ASGR1: variants seen among roughly 807,000 people sequenced by gnomAD.
ASGR1 encodes the protein asialoglycoprotein receptor 1, also known as C-type lectin domain family 4 member H1.
ASGR1 carries 35 observed loss-of-function variants against 33.1 expected under a neutral mutation model. The observed-to-expected ratio is 1.06, with a 90% CI of 0.81 to 1.40. ASGR1 has a LOEUF of 1.40. Among genes scored for constraint, ASGR1 ranks in the 40% most tolerant of loss-of-function variants. The probability of loss-of-function intolerance (pLI) is 0.00; values close to 1 mark genes in which losing one functional copy is unlikely to be tolerated. For synonymous variants in ASGR1, 142 were observed against 152.5 expected, an observed-to-expected ratio of 0.93 and a Z score of 0.51; for missense variants, 396 against 373.7, an observed-to-expected ratio of 1.06 and a Z score of -0.49.
intron 5 of ASGR1, among the ~76,000 whole-genome samples, chr17:7,176,218 CAA>C (rs1391692788): frequency 7.4e-5 from 10 of 135,236 alleles, no homozygotes; most frequent in African/African-American, 2.0e-4. Context: ...CTCACACTCA[CAA>C]ACACACACAC....
Position 7,174,165 on chromosome 17 carries a change from C to G in ASGR1, c.567G>C (p.Leu189=). ...GCTCCTCCCAGGACGTGACCACCAC[C>G]AGGTGCGCGTCCTCCAGCCGGCAGT... ...DNYCRLEDAH[L]VVVTSWEEQK... Residue 189 remains leucine (L), a synonymous_variant, in exon 7 of 9, where the codon CTG becomes CTC. Coordinates refer to ENST00000269299, the MANE Select transcript of ASGR1 (RefSeq NM_001671.5). The G allele has an allele frequency of 1.2e-6, 2 of 1,614,116 alleles. No individual in the cohort carries two copies. Among genetic ancestry groups the G allele is most frequent in the Non-Finnish European group, 1.7e-6 (2 of 1,179,990 alleles).
chr17:7,174,337 G>A (rs750202356), intron 6 of ASGR1, 37 bp downstream of exon 6: 4 of 1,613,814 alleles, frequency 2.5e-6, no homozygotes, highest in Admixed American at 1.7e-5. Context: ...CCCAGAGAAG[G>A]GGGGAGGCAG....
chr17:7,178,010 A>G (rs995875605), intron 2 of ASGR1: 32 of 165,452 alleles, frequency 1.9e-4, no homozygotes, highest in Non-Finnish European at 2.0e-4. Context: ...TTTGAAGCAA[A>G]AGAGTCTCGT....
chr17:7,178,554 C>A lies in ASGR1; in HGVS notation c.10G>T (p.Glu4Ter), dbSNP rs756648015. The part of the protein sequence containing the change: MTK[E>*]YQDLQHLDNE... Reference sequence around the variant, plus strand: ...TCCAGATGCTGAAGGTCTTGATACTCCTTGGTCATGATAGGGCTGGCGCTG... The same window carrying A: ...TCCAGATGCTGAAGGTCTTGATACTACTTGGTCATGATAGGGCTGGCGCTG... The change falls in exon 2 of 9, where the codon GAG becomes TAG. Residue 4 changes from glutamate to a stop codon, truncating the protein, a stop_gained. Transcript: ENST00000269299. LOFTEE classifies it high-confidence loss of function. The A allele has an allele frequency of 6.2e-7, 1 of 1,613,968 alleles. No individual in the cohort carries two copies. The highest frequency in any genetic ancestry group is 8.5e-7 in the Non-Finnish European group (1 of 1,179,984).
intron 5 of ASGR1, 177 bp downstream of exon 5, chr17:7,176,653 G>T: frequency 1.3e-6 from 1 of 768,246 alleles, no homozygotes; most frequent in Admixed American, 2.6e-5. Context: ...TCCACACAAG[G>T]CTCTCATACA....
chr17:7,174,158 C>A lies in ASGR1; in HGVS notation c.574G>T (p.Val192Phe). 6.2e-7 allele frequency: 1 copy of A among 1,614,096 alleles called. No individual in the cohort carries two copies. The highest frequency in any genetic ancestry group is 8.5e-7 in the Non-Finnish European group (1 of 1,179,982). Residue 192 changes from valine (V) to phenylalanine (F), a missense_variant, in exon 7 of 9, where the codon GTC becomes TTC. Coordinates refer to ENST00000269299, the MANE Select transcript of ASGR1 (RefSeq NM_001671.5). ...CTCACCTGCTCCTCCCAGGACGTGA[C>A]CACCACCAGGTGCGCGTCCTCCAGC... is the stretch of plus-strand genomic sequence containing the variant. ...CRLEDAHLVV[V>F]TSWEEQKFVQ...
chr17:7,176,527 CCACACACACACCATCTCATTCT>C (rs2069212880), intron 5 of ASGR1: 2 of 415,292 alleles, frequency 4.8e-6, no homozygotes, highest in Admixed American at 4.2e-5. Context: ...CCTCTCATTC[CCACACACACACCATCTCATTCT>C]CACACACACA....
intron 5 of ASGR1, 119 bp downstream of exon 5, chr17:7,176,711 C>T (rs2069218729): frequency 1.0e-5 from 15 of 1,445,160 alleles, no homozygotes; most frequent in Non-Finnish European, 1.3e-5. Flanking sequence ...GACTCACACA[C>T]ACACACACTC....
At chr17:7,178,172 G>A (rs2069238662) in intron 2 of ASGR1, 1 of 377,956 alleles carries the variant, frequency 2.6e-6, no homozygotes, top group African/African-American at 2.0e-5. Flanking sequence ...GAAGGGGAAA[G>A]GAAGAGGGGG....
chr17:7,176,936 CCCCCAGCCCCAGCCCCAG>C (rs754165241), intron 4 of ASGR1, 27 bp downstream of exon 4: 2 of 1,608,610 alleles, frequency 1.2e-6, no homozygotes, highest in Non-Finnish European at 1.7e-6. Context: ...TCCCGACAGC[CCCCCAGCCCCAGCCCCAG>C]CCCCAGCCCC....
intron 5 of ASGR1, 198 bp downstream of exon 5, chr17:7,176,632 T>C: frequency 1.5e-6 from 1 of 681,980 alleles, no homozygotes. Flanking sequence ...ACACTCCCTC[T>C]CATTCTCACA....
chr17:7,174,539 C>T, intron 5 of ASGR1, 79 bp from the exon 6 acceptor site: 2 of 1,455,326 alleles, frequency 1.4e-6, no homozygotes, highest in Non-Finnish European at 9.4e-7. Flanking sequence ...GTCAGCCCTA[C>T]ATCCTCCTGC....
At chr17:7,176,739 C>T in intron 5 of ASGR1, 91 bp downstream of exon 5, 9 of 1,548,326 alleles carry the variant, frequency 5.8e-6, no homozygotes, top group Non-Finnish European at 7.9e-6. Flanking sequence ...TTCTCACACA[C>T]ATCCACACAC....
intron 5 of ASGR1, among the ~76,000 whole-genome samples, chr17:7,176,265 AC>A (rs2069205123): frequency 7.3e-6 from 1 of 137,890 alleles, no homozygotes; most frequent in Admixed American, 7.1e-5. Flanking sequence ...TCATTCTCAC[AC>A]TCACTCACAC....
chr17:7,173,863 G>T lies in ASGR1; in HGVS notation c.702-30C>A. 1 of 1,607,648 alleles carries T rather than the reference G, an allele frequency of 6.2e-7. No individual in the cohort carries two copies. The highest frequency in any genetic ancestry group is 8.5e-7 in the Non-Finnish European group (1 of 1,177,484). On this transcript the variant is annotated intron_variant, in intron 8 of 8. Transcript: ENST00000269299. This position sits in a 1 kb window ranked among gnomAD's most constrained non-coding sequence, Gnocchi z 4.7. ...GGACAGAGCCAGCTGTGGGCCCCAGGAGGTCGGATCCGCAGGCGGGTCGCT... is the reference window on the plus strand; with the variant it reads ...GGACAGAGCCAGCTGTGGGCCCCAGTAGGTCGGATCCGCAGGCGGGTCGCT...
intron 5 of ASGR1, among the ~76,000 whole-genome samples, chr17:7,175,955 AAC>A (rs1292820743): frequency 6.3e-5 from 9 of 142,024 alleles, no homozygotes; most frequent in African/African-American, 1.6e-4. Flanking sequence ...AACACACACT[AAC>A]ACACATACAC....
chr17:7,174,612 T>C (rs1024589930), intron 5 of ASGR1, 152 bp from the exon 6 acceptor site: 8 of 624,510 alleles, frequency 1.3e-5, no homozygotes, highest in Middle Eastern at 8.6e-4. Context: ...GAGACCCCCA[T>C]ACACACACAC....
At chr17:7,177,729 A>C in intron 2 of ASGR1, 1 of 193,762 alleles carries the variant, frequency 5.2e-6, no homozygotes, top group South Asian at 9.4e-5. Context: ...CTGTCCATGA[A>C]TTCCACTTGT....
chr17:7,175,506 CAA>C lies in ASGR1; in HGVS notation c.356-1048_356-1047del, dbSNP rs796660109. ...TACACACACCACACACACTCACCCA[CAA>C]CACACATATACTCTTTCACACATGC... On this transcript the variant is annotated intron_variant, in intron 5 of 8. Coordinates refer to ENST00000269299, the MANE Select transcript of ASGR1 (RefSeq NM_001671.5). Among the ~76,000 whole-genome samples the C allele has an allele frequency of 6.7e-3, 1,015 of 151,510 alleles. 9 individuals carry two copies. The highest frequency in any genetic ancestry group is 0.023 in the African/African-American group (963 of 41,124).
Sources: gnomAD v4.1 joint callset for allele counts (sites outside exome capture counted in the v4.1 genomes callset) on GRCh38, gnomAD v4.1.1 for gene constraint, Gnocchi (gnomAD v3.1) non-coding constraint, MANE v1.5 for transcripts, NCBI Gene and HGNC (gene_info 2026-07-23, HGNC 2026-07-21) for gene names.